The following STXBP5L variants were observed in gnomAD, a reference collection of about 807,000 sequenced individuals.
STXBP5L encodes the protein syntaxin-binding protein 5-like.
STXBP5L carries 65 observed loss-of-function variants against 144.5 expected under a neutral mutation model. The ratio of observed to expected loss-of-function variants is 0.45; its 90% CI spans 0.37 to 0.55. STXBP5L has a LOEUF of 0.55. Among genes scored for constraint, STXBP5L ranks in the 20% least tolerant of loss-of-function variants. The pLI, the probability that STXBP5L is intolerant of heterozygous loss-of-function variation, is 0.00. For missense variants in STXBP5L, 1,298 were observed against 1,405.5 expected (o/e 0.92, Z 1.22); for synonymous variants, 505 against 469.6 (o/e 1.08, Z -0.97).
rs3830520 is a variant in STXBP5L at position 120,909,488 on chromosome 3, GAA to G, written c.-8-80_-8-79del. ...TAAAATGGGGACTGACTTGACTAAT[GAA>G]AAGAGAAAGGCTTTTACCAAGGTCT... On this transcript the variant is annotated intron_variant, in intron 1 of 26. Coordinates refer to ENST00000471454, the MANE Select transcript of STXBP5L (RefSeq NM_001308330.2). The G allele has an allele frequency of 7.6e-5, 94 of 1,242,162 alleles. No individual in the cohort carries two copies. The East Asian group carries it at 2.4e-3, about 32-fold the overall frequency. The allele number at this position is 1,242,162 out of a possible 1,614,324, so 76.9% of individuals were successfully genotyped here. A position where few individuals can be genotyped will look rare whatever the true frequency, so the allele number is the denominator to read the frequency against.
intron 2 of STXBP5L, among the ~76,000 whole-genome samples, chr3:120,927,226 C>T (rs574398200): frequency 4.0e-4 from 61 of 152,282 alleles, no homozygotes; most frequent in African/African-American, 1.2e-3. Flanking sequence ...TGAGCCACTA[C>T]GCCCAGCCAA....
At chr3:120,927,757 C>G (rs1221001012) in intron 2 of STXBP5L, among the ~76,000 whole-genome samples, 1 of 152,094 alleles carries the variant, frequency 6.6e-6, no homozygotes, top group Non-Finnish European at 1.5e-5. Context: ...GTAATAATCT[C>G]AGTGATGTAT....
intron 2 of STXBP5L, among the ~76,000 whole-genome samples, chr3:120,916,449 C>A (rs1709106500): frequency 6.6e-6 from 1 of 151,912 alleles, no homozygotes; most frequent in Non-Finnish European, 1.5e-5. Context: ...TACAGGCGCC[C>A]ACCACCACGC....
At chr3:121,105,566 G>A (rs116176725) in intron 5 of STXBP5L, among the ~76,000 whole-genome samples, 8,345 of 152,124 alleles carry the variant, frequency 0.055, 305 homozygotes, top group Non-Finnish European at 0.08. Context: ...AGGCGTTGGC[G>A]TGGATGTGGT....
At chr3:121,389,011 A>G (rs2046503672) in intron 22 of STXBP5L, among the ~76,000 whole-genome samples, 1 of 152,154 alleles carries the variant, frequency 6.6e-6, no homozygotes, top group African/African-American at 2.4e-5. Context: ...CTATGAATCC[A>G]TCTGATCCTG....
chr3:121,205,917 C>A lies in STXBP5L; in HGVS notation c.878-6C>A. The A allele has an allele frequency of 7.1e-7, 1 of 1,398,614 alleles. No homozygotes were observed. The highest frequency in any genetic ancestry group is 1.5e-5 in the South Asian group (1 of 67,472). 86.6% of individuals were successfully genotyped at this position (1,398,614 alleles called of 1,614,324 possible). A position where few individuals can be genotyped will look rare whatever the true frequency, so the allele number is the denominator to read the frequency against. On this transcript the variant is annotated splice_polypyrimidine_tract_variant and splice_region_variant and intron_variant, in intron 9 of 26. Transcript: ENST00000471454. ...TTAGATTCAATTAAATATTTTTTTTCTTTAGGAAAAAGTCAAAGAGAAGGA... is the reference window on the plus strand; with the variant it reads ...TTAGATTCAATTAAATATTTTTTTTATTTAGGAAAAAGTCAAAGAGAAGGA...
chr3:121,051,099 C>A (rs970330970), intron 5 of STXBP5L, among the ~76,000 whole-genome samples: 1 of 152,092 alleles, frequency 6.6e-6, no homozygotes, highest in African/African-American at 2.4e-5. Context: ...TCCTGAGTGA[C>A]CTACAAAGAG....
intron 9 of STXBP5L, among the ~76,000 whole-genome samples, chr3:121,163,437 G>A (rs1577090304): frequency 2.0e-5 from 3 of 151,276 alleles, no homozygotes; most frequent in Admixed American, 2.0e-4. Flanking sequence ...TGGGGGGCAA[G>A]GAGAGGGAAA....
intron 9 of STXBP5L, among the ~76,000 whole-genome samples, chr3:121,193,083 G>A (rs1483445545): frequency 2.1e-5 from 3 of 142,026 alleles, no homozygotes; most frequent in Non-Finnish European, 4.6e-5. Context: ...TCTGACAAAG[G>A]GCTAATATCC....
intron 3 of STXBP5L, among the ~76,000 whole-genome samples, chr3:121,007,164 A>T (rs758926007): frequency 7.9e-5 from 12 of 152,032 alleles, no homozygotes; most frequent in Admixed American, 7.9e-4. Context: ...TACATTTTTA[A>T]ATTCTACTTG....
intron 20 of STXBP5L, among the ~76,000 whole-genome samples, chr3:121,343,651 G>T (rs1401726307): frequency 8.6e-5 from 13 of 152,030 alleles, no homozygotes; most frequent in Non-Finnish European, 1.6e-4. Flanking sequence ...ATTCACAATT[G>T]CTTCAAAGAG....
At chr3:121,265,040 C>G (rs1176939702) in intron 18 of STXBP5L, among the ~76,000 whole-genome samples, 3 of 152,072 alleles carry the variant, frequency 2.0e-5, no homozygotes, top group Non-Finnish European at 4.4e-5. Flanking sequence ...CTTTTACACC[C>G]CACTGTCAAT....
intron 9 of STXBP5L, among the ~76,000 whole-genome samples, chr3:121,181,716 C>T (rs961094399): frequency 7.2e-5 from 11 of 151,872 alleles, no homozygotes; most frequent in African/African-American, 2.2e-4. Context: ...CCAGCCTGGG[C>T]GATAGAATGA....
At chr3:121,380,685 C>A (rs2108681723) in intron 21 of STXBP5L, among the ~76,000 whole-genome samples, 2 of 152,016 alleles carry the variant, frequency 1.3e-5, no homozygotes, top group East Asian at 3.9e-4. Flanking sequence ...TAGCCCTAGG[C>A]AAAGTTAGGA....
rs573324568 is a variant in STXBP5L at position 121,174,807 on chromosome 3, G to A, written c.877+17180G>A. On this transcript the variant is annotated intron_variant, in intron 9 of 26. Transcript: ENST00000471454. ...AAAGCTTCCTTCAGGGTTCTTGCTGGAGAAAGGAAACAGCAGCCAAAGCCA... is the reference window on the plus strand; with the variant it reads ...AAAGCTTCCTTCAGGGTTCTTGCTGAAGAAAGGAAACAGCAGCCAAAGCCA... Among the ~76,000 whole-genome samples the A allele has an allele frequency of 3.9e-5, 6 of 152,198 alleles. No individual in the cohort carries two copies. The East Asian group carries it at 1.2e-3, about 29-fold the overall frequency.
intron 11 of STXBP5L, among the ~76,000 whole-genome samples, chr3:121,230,719 G>A (rs998864332): frequency 6.6e-6 from 1 of 152,058 alleles, no homozygotes. Flanking sequence ...TAATGATCAA[G>A]CTTTAAATAA....
chr3:121,049,704 G>A (rs528287537), intron 5 of STXBP5L: 2 of 154,140 alleles, frequency 1.3e-5, no homozygotes, highest in Non-Finnish European at 2.9e-5. Context: ...GCAGGATAAG[G>A]TCTACTGGGC....
chr3:121,178,631 A>G (rs1368294464), intron 9 of STXBP5L, among the ~76,000 whole-genome samples: 1 of 152,166 alleles, frequency 6.6e-6, no homozygotes, highest in Non-Finnish European at 1.5e-5. Context: ...CTGCCTCTGA[A>G]TGCACATCTC....
chr3:121,084,311 A>G (rs558535664), intron 5 of STXBP5L, among the ~76,000 whole-genome samples: 84 of 152,250 alleles, frequency 5.5e-4, no homozygotes, highest in Middle Eastern at 3.4e-3. Flanking sequence ...CCTATCACCT[A>G]GGTATTGAGC....
Sources: gnomAD v4.1 joint callset for allele counts (sites outside exome capture counted in the v4.1 genomes callset) on GRCh38, gnomAD v4.1.1 for gene constraint, MANE v1.5 for transcripts, NCBI Gene and HGNC (gene_info 2026-07-23, HGNC 2026-07-21) for gene names.